Variants in THSD7B observed in about 807,000 individuals in gnomAD.
THSD7B encodes the protein thrombospondin type 1 domain containing 7B.
In THSD7B, 138 loss-of-function variants were observed where a neutral mutation model predicts 213.6. The ratio of observed to expected loss-of-function variants is 0.65; its 90% CI spans 0.56 to 0.74. The LOEUF (loss-of-function observed/expected upper bound fraction) is 0.74, where lower values mean the gene tolerates loss of function less well. Among genes scored for constraint, THSD7B ranks in the 30% least tolerant of loss-of-function variants. The pLI, the probability that THSD7B is intolerant of heterozygous loss-of-function variation, is 0.00. For synonymous variants in THSD7B, 742 were observed against 687.0 expected (o/e 1.08, Z -1.25); for missense variants, 1,931 against 1,991.5 (o/e 0.97, Z 0.58).
chr2:137,199,048 C>T (rs909585792), intron 7 of THSD7B, among the ~76,000 whole-genome samples: 4 of 152,054 alleles, frequency 2.6e-5, no homozygotes, highest in South Asian at 2.1e-4. Context: ...AGAGCTGAAC[C>T]GCACGGCACT....
chr2:137,505,244 A>T (rs2105143223), intron 15 of THSD7B, among the ~76,000 whole-genome samples: 1 of 152,330 alleles, frequency 6.6e-6, no homozygotes, highest in South Asian at 2.1e-4. Flanking sequence ...TCAGACTTTA[A>T]TAAGAGAAGA....
At chr2:137,240,558 T>G (rs1005356006) in intron 9 of THSD7B, among the ~76,000 whole-genome samples, 2 of 152,138 alleles carry the variant, frequency 1.3e-5, no homozygotes, top group Non-Finnish European at 2.9e-5. Context: ...GTCCAGGCTC[T>G]GGAGTGCAGG....
At chr2:137,065,951 G>T (rs1156558004) in intron 3 of THSD7B, among the ~76,000 whole-genome samples, 1 of 150,404 alleles carries the variant, frequency 6.6e-6, no homozygotes, top group South Asian at 2.1e-4. Context: ...AGATCAATTT[G>T]CATATGAAAA....
At chr2:137,668,117 G>A (rs190892437) in intron 27 of THSD7B, among the ~76,000 whole-genome samples, 148 of 152,120 alleles carry the variant, frequency 9.7e-4, no homozygotes, top group Middle Eastern at 3.4e-3. Flanking sequence ...TTTTGATTTC[G>A]ATCAGTAGTT....
chr2:136,988,381 G>A (rs1340682244), intron 2 of THSD7B, among the ~76,000 whole-genome samples: 1 of 152,210 alleles, frequency 6.6e-6, no homozygotes, highest in African/African-American at 2.4e-5. Context: ...ATGAGCAGTG[G>A]AGGAAATAAT....
At chr2:137,124,648 T>C (rs1688602313) in intron 5 of THSD7B, among the ~76,000 whole-genome samples, 1 of 152,194 alleles carries the variant, frequency 6.6e-6, no homozygotes, top group African/African-American at 2.4e-5. Flanking sequence ...TCCAAGATCC[T>C]GTGTGCCTCC....
At chr2:136,948,424 C>A (rs972379029) in intron 2 of THSD7B, among the ~76,000 whole-genome samples, 2 of 145,174 alleles carry the variant, frequency 1.4e-5, no homozygotes, top group Non-Finnish European at 3.0e-5. Context: ...ATCCCCCATA[C>A]CTTTCTTTTT....
chr2:137,644,195 C>T (rs1449934110), intron 21 of THSD7B, among the ~76,000 whole-genome samples: 1 of 152,102 alleles, frequency 6.6e-6, no homozygotes, highest in Non-Finnish European at 1.5e-5. Context: ...TTCAGAGTTG[C>T]CCCAGATTTC....
chr2:136,942,758 G>T (rs185238890), intron 2 of THSD7B, among the ~76,000 whole-genome samples: 1 of 152,170 alleles, frequency 6.6e-6, no homozygotes, highest in Non-Finnish European at 1.5e-5. Context: ...GGGCTGAGAC[G>T]ATGGGGTTTT....
intron 8 of THSD7B, 126 bp downstream of exon 8, chr2:137,231,361 A>G: frequency 3.1e-6 from 3 of 966,536 alleles, no homozygotes; most frequent in Non-Finnish European, 4.5e-6. Context: ...TATTCCCTGA[A>G]TCCAGATTAA....
At chr2:136,996,317 CTT>C (rs1685888054) in intron 2 of THSD7B, among the ~76,000 whole-genome samples, 1 of 143,706 alleles carries the variant, frequency 7.0e-6, no homozygotes, top group African/African-American at 2.7e-5. Context: ...CTGTCTCTTT[CTT>C]TCTTTCTTTT....
rs1056611769 is a variant in THSD7B at position 137,343,622 on chromosome 2, C to T, written c.2501-61991C>T. Among the ~76,000 whole-genome samples, 10 of 151,662 alleles carry T rather than the reference C, an allele frequency of 6.6e-5. 1 individual carries two copies. The highest frequency in any genetic ancestry group is 1.3e-4 in the Non-Finnish European group (9 of 67,754). On this transcript the variant is annotated intron_variant, in intron 12 of 27. Coordinates refer to ENST00000409968, the MANE Select transcript of THSD7B (RefSeq NM_001316349.2). ...GATGTTTAGACTTTGTCCCCAGATA[C>T]TGCCACTCAGTCATTTTAACAACCA...
intron 1 of THSD7B, among the ~76,000 whole-genome samples, chr2:136,871,517 G>C (rs1683431954): frequency 6.6e-6 from 1 of 152,148 alleles, no homozygotes; most frequent in Non-Finnish European, 1.5e-5. Context: ...GATGAAGAAA[G>C]AGGGAGTAAG....
intron 10 of THSD7B, among the ~76,000 whole-genome samples, chr2:137,253,813 G>C (rs111791449): frequency 6.6e-4 from 101 of 152,204 alleles, no homozygotes; most frequent in African/African-American, 2.3e-3. Flanking sequence ...CCTTGGCTTT[G>C]GTCCCATTTC....
At chr2:137,598,843 C>T (rs1474025256) in intron 17 of THSD7B, among the ~76,000 whole-genome samples, 2 of 151,018 alleles carry the variant, frequency 1.3e-5, no homozygotes, top group African/African-American at 4.9e-5. Flanking sequence ...TTCTTTCCTC[C>T]CTTCTTTTTT....
At chr2:137,650,495 T>C (rs1168751396) in intron 21 of THSD7B, among the ~76,000 whole-genome samples, 1 of 152,194 alleles carries the variant, frequency 6.6e-6, no homozygotes, top group Non-Finnish European at 1.5e-5. Flanking sequence ...AGCCTTTAGG[T>C]TTTTGTAAGT....
At chr2:137,034,045 G>A (rs1030756513) in intron 2 of THSD7B, among the ~76,000 whole-genome samples, 1 of 151,524 alleles carries the variant, frequency 6.6e-6, no homozygotes, top group African/African-American at 2.4e-5. Flanking sequence ...GAGAACATGC[G>A]GTGTTTGGTT....
At chr2:137,291,699 T>G (rs1215993469) in intron 12 of THSD7B, among the ~76,000 whole-genome samples, 1 of 152,176 alleles carries the variant, frequency 6.6e-6, no homozygotes, top group Non-Finnish European at 1.5e-5. Context: ...TCAGCTTTAC[T>G]GTATAGTGTG....
intron 2 of THSD7B, among the ~76,000 whole-genome samples, chr2:136,928,707 T>A (rs1429501043): frequency 6.6e-6 from 1 of 152,186 alleles, no homozygotes; most frequent in Non-Finnish European, 1.5e-5. Flanking sequence ...TGAGGAAGTC[T>A]AACATTAAAA....
Sources: gnomAD v4.1 joint callset for allele counts (sites outside exome capture counted in the v4.1 genomes callset) on GRCh38, gnomAD v4.1.1 for gene constraint, MANE v1.5 for transcripts, NCBI Gene and HGNC (gene_info 2026-07-23, HGNC 2026-07-21) for gene names.